Variants in PRKCQ observed in about 807,000 individuals in gnomAD.
PRKCQ encodes protein kinase C theta, also known as protein kinase C theta type.
A neutral mutation model predicts 91.2 loss-of-function variants in PRKCQ; 41 were observed. The observed-to-expected ratio is 0.45, with a 90% CI of 0.35 to 0.58. PRKCQ has a LOEUF of 0.58. PRKCQ is among the 20% of genes least tolerant of loss of function. The probability of loss-of-function intolerance (pLI) is 0.00; values close to 1 mark genes in which losing one functional copy is unlikely to be tolerated. For missense variants in PRKCQ, 673 were observed against 896.5 expected (o/e 0.75, Z 3.18); for synonymous variants, 307 against 316.9 (o/e 0.97, Z 0.33).
the PRKCQ span, among the ~76,000 whole-genome samples, chr10:6,406,474 C>T: frequency 6.6e-6 from 1 of 152,054 alleles, no homozygotes; most frequent in African/African-American, 2.4e-5. Context: ...TATACCAATG[C>T]AGAATTTGTT....
chr10:6,450,205 C>A (rs1231126540), intron 15 of PRKCQ, among the ~76,000 whole-genome samples: 1 of 149,954 alleles, frequency 6.7e-6, no homozygotes, highest in Non-Finnish European at 1.5e-5. Flanking sequence ...TGTGCAGAGA[C>A]ACACATAGGC....
At chr10:6,445,121 CAAAAAAAAAAAAAA>C (rs61291267) in intron 15 of PRKCQ, among the ~76,000 whole-genome samples, 3 of 105,408 alleles carry the variant, frequency 2.8e-5, no homozygotes. Flanking sequence ...AAGACTCTGT[CAAAAAAAAAAAAAA>C]AAAAAAAAAA....
In PRKCQ at chr10:6,483,544, G is replaced by A; in HGVS notation, c.1075C>T (p.Leu359Phe). 6.2e-7 allele frequency: 1 copy of A among 1,614,236 alleles called. No homozygotes were observed. The highest frequency in any genetic ancestry group is 8.5e-7 in the Non-Finnish European group (1 of 1,180,042). Residue 359 changes from leucine (L) to phenylalanine (F), a missense_variant, in exon 11 of 18, where the codon CTT becomes TTT. Transcript: ENST00000263125. ...PLDEVDKMCH[L>F]PEPELNKERP... is the part of the protein sequence containing the mutation. ...TCTTTGTTCAGTTCAGGTTCTGGAA[G>A]ATGGCACATTTTATCCACCTCATCC...
At chr10:6,506,253 C>T (rs1275016413) in intron 4 of PRKCQ, among the ~76,000 whole-genome samples, 1 of 152,122 alleles carries the variant, frequency 6.6e-6, no homozygotes, top group Non-Finnish European at 1.5e-5. Flanking sequence ...TTCAAATATA[C>T]CTAAAAGTTG....
intron 1 of PRKCQ, among the ~76,000 whole-genome samples, chr10:6,534,011 C>G (rs748575178): frequency 7.9e-5 from 12 of 152,138 alleles, no homozygotes; most frequent in Non-Finnish European, 1.5e-4. Flanking sequence ...CATTTCCAAA[C>G]TATTTTACAT....
At chr10:6,552,760 C>A (rs1840240154) in intron 1 of PRKCQ, among the ~76,000 whole-genome samples, 1 of 152,076 alleles carries the variant, frequency 6.6e-6, no homozygotes, top group African/African-American at 2.4e-5. Flanking sequence ...AGTCGCTGCA[C>A]CCAACCAAAC....
At chr10:6,530,907 A>C (rs1839368588) in intron 1 of PRKCQ, among the ~76,000 whole-genome samples, 1 of 152,122 alleles carries the variant, frequency 6.6e-6, no homozygotes, top group Non-Finnish European at 1.5e-5. Flanking sequence ...GGGACTCTCT[A>C]TTTTTCCTCC....
At chr10:6,434,996 G>C (rs935308850) in intron 16 of PRKCQ, among the ~76,000 whole-genome samples, 2 of 152,118 alleles carry the variant, frequency 1.3e-5, no homozygotes, top group Non-Finnish European at 2.9e-5. Flanking sequence ...CTCACTGCAA[G>C]CTCCGCCTCC....
At chr10:6,524,683 A>G (rs1288075176) in intron 1 of PRKCQ, among the ~76,000 whole-genome samples, 1 of 152,238 alleles carries the variant, frequency 6.6e-6, no homozygotes, top group Non-Finnish European at 1.5e-5. Flanking sequence ...GATGTTGAAT[A>G]TGAACTTTTC....
At chr10:6,540,282 T>A (rs61112342) in intron 1 of PRKCQ, among the ~76,000 whole-genome samples, 6,068 of 152,240 alleles carry the variant, frequency 0.04, 414 homozygotes, top group African/African-American at 0.14. Flanking sequence ...TATAGTTCAG[T>A]GACATTCATA....
intron 11 of PRKCQ, among the ~76,000 whole-genome samples, chr10:6,481,119 C>T (rs960801333): frequency 6.6e-6 from 1 of 152,130 alleles, no homozygotes; most frequent in Non-Finnish European, 1.5e-5. Context: ...GTATAGGGAC[C>T]CAGGGTCCTG....
the PRKCQ span, among the ~76,000 whole-genome samples, chr10:6,399,502 A>AT: frequency 1.4e-4 from 21 of 145,414 alleles, no homozygotes; most frequent in African/African-American, 3.8e-4. Context: ...CCTTCTTTTT[A>AT]TTTTTTTTTG....
rs557668375 is a variant in PRKCQ at position 6,576,183 on chromosome 10, C to T, written c.-10+4028G>A. 5.9e-5 allele frequency among the ~76,000 whole-genome samples: 9 copies of T among 152,300 alleles called. No individual in the cohort carries two copies. Among genetic ancestry groups the T allele is most frequent in the African/African-American group, 1.4e-4 (6 of 41,556 alleles). On this transcript the variant is annotated intron_variant, in intron 1 of 17. Coordinates refer to ENST00000263125, the MANE Select transcript of PRKCQ (RefSeq NM_006257.5). The surrounding 1 kb of genome is among the most constrained non-coding windows in gnomAD (Gnocchi z 4.2). ...AAAAATTAAACATAGAATTACCCTA[C>T]GACCCCACAATTCTACTGCTGGGTA...
chr10:6,444,602 A>G (rs1406404000), intron 15 of PRKCQ, among the ~76,000 whole-genome samples: 2 of 152,132 alleles, frequency 1.3e-5, no homozygotes, highest in African/African-American at 4.8e-5. Context: ...TTGAGGCACT[A>G]AACTTAAAAG....
chr10:6,553,489 CAAAA>C (rs869196227), intron 1 of PRKCQ, among the ~76,000 whole-genome samples: 33 of 8,864 alleles, frequency 3.7e-3, no homozygotes, highest in African/African-American at 6.8e-3. Flanking sequence ...GACCCTGTCT[CAAAA>C]AAAAAAAAAA....
intron 12 of PRKCQ, among the ~76,000 whole-genome samples, chr10:6,467,406 AG>A (rs1835741484): frequency 1.6e-5 from 2 of 123,110 alleles, no homozygotes; most frequent in African/African-American, 6.0e-5. Context: ...AGAGAGAGAG[AG>A]AGAGAGAGAG....
At chr10:6,471,942 A>T (rs1281221943) in intron 12 of PRKCQ, among the ~76,000 whole-genome samples, 1 of 152,220 alleles carries the variant, frequency 6.6e-6, no homozygotes, top group Non-Finnish European at 1.5e-5. Flanking sequence ...ATGGGCAGAT[A>T]ATATGGGCCA....
At position 6,576,424 on chromosome 10, in the gene PRKCQ, T is replaced by C. The variant is rs1359648210; in HGVS notation, c.-10+3787A>G. Among the ~76,000 whole-genome samples, 2 of 152,222 alleles carry C rather than the reference T, an allele frequency of 1.3e-5. No homozygotes were observed. Among genetic ancestry groups the C allele is most frequent in the Admixed American group, 6.5e-5 (1 of 15,286 alleles). On this transcript the variant is annotated intron_variant, in intron 1 of 17. Transcript: ENST00000263125. This position sits in a 1 kb window ranked among gnomAD's most constrained non-coding sequence, Gnocchi z 4.2. ...ACATGGATACAGCTTGAGAACACTA[T>C]GCTAAGTGAAATAAGACAGTTACAA... is the stretch of plus-strand genomic sequence containing the variant.
At chr10:6,510,228 T>C (rs1838402859) in intron 3 of PRKCQ, among the ~76,000 whole-genome samples, 1 of 152,246 alleles carries the variant, frequency 6.6e-6, no homozygotes, top group Non-Finnish European at 1.5e-5. Flanking sequence ...GAAATTTTCA[T>C]TGGAATTTTT....
Sources: allele counts gnomAD v4.1 joint callset (sites outside exome capture counted in the v4.1 genomes callset), GRCh38; gene constraint gnomAD v4.1.1; non-coding constraint Gnocchi (gnomAD v3.1); transcripts MANE v1.5; gene names NCBI Gene and HGNC (gene_info 2026-07-23, HGNC 2026-07-21).